ADGRL2: variants seen among roughly 807,000 people sequenced by gnomAD.
ADGRL2 encodes calcium-independent alpha-latrotoxin receptor 2.
A neutral mutation model predicts 157.4 loss-of-function variants in ADGRL2; 44 were observed. The ratio of observed to expected loss-of-function variants is 0.28; its 90% CI spans 0.22 to 0.36. The LOEUF (loss-of-function observed/expected upper bound fraction) is 0.36. Ranked by LOEUF, ADGRL2 falls within the 10% of genes least tolerant of loss-of-function variation. ADGRL2 has a pLI of 1.00. For missense variants in ADGRL2, 1,510 were observed against 1,768.9 expected (o/e 0.85, Z 2.63); for synonymous variants, 585 against 624.7 (o/e 0.94, Z 0.95).
At chr1:81,309,151 TC>T (rs1270065851) in intron 1 of ADGRL2, among the ~76,000 whole-genome samples, 1 of 152,162 alleles carries the variant, frequency 6.6e-6, no homozygotes, top group African/African-American at 2.4e-5. Context: ...ATGATGTGCG[TC>T]ATCAGCAGAC....
chr1:81,721,765 C>A, intron 1 of ADGRL2: 3 of 1,398,950 alleles, frequency 2.1e-6, no homozygotes, highest in Non-Finnish European at 2.0e-6. Context: ...TTCTGCACAC[C>A]GAGGAAATGT....
chr1:81,922,111 T>C (rs1408718953), intron 3 of ADGRL2, among the ~76,000 whole-genome samples: 1 of 152,114 alleles, frequency 6.6e-6, no homozygotes, highest in Non-Finnish European at 1.5e-5. Context: ...TGTACAGAAA[T>C]AACTGTGATA....
intron 2 of ADGRL2, among the ~76,000 whole-genome samples, chr1:81,781,196 A>G (rs1395722663): frequency 6.6e-5 from 10 of 152,116 alleles, no homozygotes; most frequent in Non-Finnish European, 1.3e-4. Flanking sequence ...TGTTGAAGGA[A>G]TTATTTACCA....
chr1:81,950,622 G>A, intron 7 of ADGRL2, 140 bp downstream of exon 7: 2 of 807,952 alleles, frequency 2.5e-6, no homozygotes. Flanking sequence ...TAACATCTAT[G>A]GACAAAGTTT....
At chr1:81,744,596 G>C (rs1043976848) in intron 1 of ADGRL2, among the ~76,000 whole-genome samples, 1 of 152,174 alleles carries the variant, frequency 6.6e-6, no homozygotes, top group African/African-American at 2.4e-5. Context: ...GGCAGCACAT[G>C]ATGAGAAGCT....
At chr1:81,681,658 C>T (rs1473072508) in intron 3 of ADGRL2, among the ~76,000 whole-genome samples, 1 of 152,178 alleles carries the variant, frequency 6.6e-6, no homozygotes, top group Non-Finnish European at 1.5e-5. Flanking sequence ...TGTAAGTTTT[C>T]ATTAACATCT....
chr1:81,476,253 A>C (rs1391138505), intron 2 of ADGRL2, among the ~76,000 whole-genome samples: 1 of 152,216 alleles, frequency 6.6e-6, no homozygotes, highest in Non-Finnish European at 1.5e-5. Flanking sequence ...TTTTGATTAG[A>C]TCACATCCTT....
At chr1:81,466,821 C>T (rs2078065816) in intron 2 of ADGRL2, among the ~76,000 whole-genome samples, 2 of 151,878 alleles carry the variant, frequency 1.3e-5, no homozygotes, top group African/African-American at 4.8e-5. Context: ...TCAATTAAAC[C>T]ACATTGTTTC....
intron 3 of ADGRL2, 31 bp from the exon 4 acceptor site, chr1:81,936,689 AAATTATGT>A: frequency 1.8e-6 from 2 of 1,115,510 alleles, no homozygotes; most frequent in African/African-American, 3.1e-5. Flanking sequence ...ATAATCAAAT[AAATTATGT>A]TACACAAGTT....
intron 3 of ADGRL2, among the ~76,000 whole-genome samples, chr1:81,629,616 C>T (rs2081972713): frequency 1.3e-5 from 2 of 151,396 alleles, no homozygotes; most frequent in Admixed American, 1.3e-4. Flanking sequence ...GTGCTTGGAT[C>T]ATAACAGGCA....
chr1:81,321,585 A>G (rs1463224153), intron 1 of ADGRL2, among the ~76,000 whole-genome samples: 1 of 152,164 alleles, frequency 6.6e-6, no homozygotes, highest in Non-Finnish European at 1.5e-5. Context: ...GGGCAGAGGG[A>G]GAGAGACCAG....
intron 2 of ADGRL2, among the ~76,000 whole-genome samples, chr1:81,873,982 A>G (rs1345789171): frequency 1.3e-5 from 2 of 152,124 alleles, no homozygotes; most frequent in Non-Finnish European, 2.9e-5. Flanking sequence ...ATTTGTCAGT[A>G]AGTATTTAAC....
chr1:81,812,208 T>G (rs994248587), intron 1 of ADGRL2, among the ~76,000 whole-genome samples: 4 of 151,848 alleles, frequency 2.6e-5, no homozygotes, highest in African/African-American at 9.7e-5. Context: ...ACCTTGTTAT[T>G]ACCTGCAGAG....
chr1:81,627,826 T>G (rs1469167060), intron 3 of ADGRL2, among the ~76,000 whole-genome samples: 1 of 152,144 alleles, frequency 6.6e-6, no homozygotes, highest in African/African-American at 2.4e-5. Context: ...CTCCCAAATT[T>G]GAATATTCCT....
intron 2 of ADGRL2, among the ~76,000 whole-genome samples, chr1:81,538,318 A>G (rs2079795341): frequency 6.6e-6 from 1 of 152,176 alleles, no homozygotes; most frequent in Non-Finnish European, 1.5e-5. Context: ...GTGCCATCTT[A>G]GAGACACAGC....
At chr1:81,344,195 A>G (rs142323949) in intron 1 of ADGRL2, among the ~76,000 whole-genome samples, 48 of 152,198 alleles carry the variant, frequency 3.2e-4, no homozygotes, top group Admixed American at 1.7e-3. Flanking sequence ...GAGCCTCCCA[A>G]ATAGCTTGGA....
intron 3 of ADGRL2, among the ~76,000 whole-genome samples, chr1:81,654,684 A>G (rs541861911): frequency 6.6e-6 from 1 of 152,238 alleles, no homozygotes; most frequent in Non-Finnish European, 1.5e-5. Flanking sequence ...TATTTATTCA[A>G]TTGAGTCCTT....
At chr1:81,550,371 C>G (rs1297030911) in intron 2 of ADGRL2, among the ~76,000 whole-genome samples, 1 of 152,112 alleles carries the variant, frequency 6.6e-6, no homozygotes, top group Non-Finnish European at 1.5e-5. Context: ...CAGTAAATTT[C>G]AAAGCTAGGT....
intron 2 of ADGRL2, among the ~76,000 whole-genome samples, chr1:81,522,639 T>C (rs936760899): frequency 1.3e-5 from 2 of 152,220 alleles, no homozygotes; most frequent in African/African-American, 4.8e-5. Flanking sequence ...CTGTCTTTAA[T>C]ATGTACTTGC....
Sources: gnomAD v4.1 joint callset for allele counts (sites outside exome capture counted in the v4.1 genomes callset) on GRCh38, gnomAD v4.1.1 for gene constraint, MANE v1.5 for transcripts, NCBI Gene and HGNC (gene_info 2026-07-23, HGNC 2026-07-21) for gene names.